Variants in RIT2 observed in about 807,000 individuals in gnomAD.
The protein encoded by RIT2 is Ras like without CAAX 2.
RIT2 carries 24 observed loss-of-function variants against 23.7 expected under a neutral mutation model. That is an observed-to-expected ratio of 1.01 (90% CI 0.73 to 1.43). The LOEUF (loss-of-function observed/expected upper bound fraction) is 1.43. Among genes scored for constraint, RIT2 ranks in the 40% most tolerant of loss-of-function variants. The pLI is 0.00. For missense variants in RIT2, 236 were observed against 266.9 expected, an observed-to-expected ratio of 0.88 and a Z score of 0.81; for synonymous variants, 107 against 91.1, an observed-to-expected ratio of 1.17 and a Z score of -0.99.
At chr18:43,047,487 A>G (rs1005207525) in intron 1 of RIT2, among the ~76,000 whole-genome samples, 4 of 152,156 alleles carry the variant, frequency 2.6e-5, no homozygotes, top group Non-Finnish European at 5.9e-5. Context: ...GTGACTAAAA[A>G]CCAAAACAAC....
intron 3 of RIT2, among the ~76,000 whole-genome samples, chr18:42,931,965 G>T (rs186432209): frequency 6.6e-6 from 1 of 152,052 alleles, no homozygotes; most frequent in Admixed American, 6.6e-5. Context: ...CTCTGAAAAA[G>T]CTTCACCATC....
At chr18:42,943,561 T>G (rs1212251207) in intron 3 of RIT2, among the ~76,000 whole-genome samples, 1 of 152,184 alleles carries the variant, frequency 6.6e-6, no homozygotes, top group Non-Finnish European at 1.5e-5. Context: ...ATAATTCTTT[T>G]ACATGTTTTT....
intron 3 of RIT2, among the ~76,000 whole-genome samples, chr18:42,933,431 C>CA (rs1453312375): frequency 3.3e-5 from 5 of 152,080 alleles, no homozygotes; most frequent in Non-Finnish European, 5.9e-5. Flanking sequence ...GTGTCCTGGA[C>CA]AAAATCTCAT....
At chr18:43,086,175 T>C (rs1913278459) in intron 1 of RIT2, among the ~76,000 whole-genome samples, 3 of 152,144 alleles carry the variant, frequency 2.0e-5, no homozygotes, top group Admixed American at 1.3e-4. Flanking sequence ...ACCCAAAATA[T>C]GTTATGCTTT....
chr18:42,863,216 C>G (rs1907376801), intron 4 of RIT2, among the ~76,000 whole-genome samples: 2 of 152,088 alleles, frequency 1.3e-5, no homozygotes, highest in African/African-American at 4.8e-5. Context: ...AATTATCCAT[C>G]CTTACTGAAA....
chr18:42,943,408 C>A (rs1909652172), intron 3 of RIT2, among the ~76,000 whole-genome samples: 1 of 151,998 alleles, frequency 6.6e-6, no homozygotes, highest in Non-Finnish European at 1.5e-5. Flanking sequence ...CTCCAAGTCC[C>A]CACTCGACCC....
intron 4 of RIT2, among the ~76,000 whole-genome samples, chr18:42,898,263 G>A (rs1354625834): frequency 1.3e-5 from 2 of 152,072 alleles, no homozygotes; most frequent in Non-Finnish European, 2.9e-5. Context: ...GCGTGGTGGC[G>A]GGTGCCTGTA....
intron 1 of RIT2, among the ~76,000 whole-genome samples, chr18:43,101,616 T>C (rs1244528166): frequency 6.6e-6 from 1 of 152,188 alleles, no homozygotes; most frequent in African/African-American, 2.4e-5. Context: ...TGCATGCCTG[T>C]CCCTCTTCAA....
At chr18:42,955,419 G>A (rs923340563) in intron 3 of RIT2, among the ~76,000 whole-genome samples, 14 of 152,204 alleles carry the variant, frequency 9.2e-5, no homozygotes, top group African/African-American at 3.4e-4. Context: ...GTTTGATTAT[G>A]AACTGGCCTC....
At chr18:43,107,377 A>G (rs140346642) in intron 1 of RIT2, among the ~76,000 whole-genome samples, 1,749 of 152,120 alleles carry the variant, frequency 0.011, 37 homozygotes, top group African/African-American at 0.039. Context: ...GGCTGTGTCT[A>G]ATTCTTGGTC....
chr18:42,973,816 A>C (rs998622401), intron 3 of RIT2, among the ~76,000 whole-genome samples: 7 of 151,978 alleles, frequency 4.6e-5, no homozygotes, highest in Non-Finnish European at 7.4e-5. Context: ...GAGGAAAAAA[A>C]ATAAAGTATT....
At chr18:42,842,332 G>GTT (rs533644695) in intron 4 of RIT2, among the ~76,000 whole-genome samples, 7 of 152,098 alleles carry the variant, frequency 4.6e-5, no homozygotes, top group Non-Finnish European at 1.0e-4. Flanking sequence ...ATTATCCAAT[G>GTT]TCTGTCATTT....
chr18:42,994,740 C>T (rs903624409), intron 2 of RIT2, among the ~76,000 whole-genome samples: 21 of 152,164 alleles, frequency 1.4e-4, no homozygotes, highest in South Asian at 2.1e-4. Flanking sequence ...CTCCACGCAG[C>T]GGCTGCTGCT....
chr18:43,100,729 C>G (rs4447507), intron 1 of RIT2, among the ~76,000 whole-genome samples: 26,459 of 151,936 alleles, frequency 0.17, 2,489 homozygotes, highest in African/African-American at 0.2. Context: ...AAGCATCAGG[C>G]CAATGTTTTG....
intron 1 of RIT2, among the ~76,000 whole-genome samples, chr18:43,094,788 C>G (rs1361468586): frequency 6.6e-6 from 1 of 152,040 alleles, no homozygotes; most frequent in Non-Finnish European, 1.5e-5. Context: ...TCAATTCCCA[C>G]CTATGAGTGA....
intron 4 of RIT2, among the ~76,000 whole-genome samples, chr18:42,918,114 G>A (rs111328905): frequency 2.4e-4 from 37 of 152,236 alleles, no homozygotes; most frequent in African/African-American, 8.4e-4. Context: ...CTCCTCCACT[G>A]TAACTTCACA....
chr18:43,113,377 T>A (rs939743097), intron 1 of RIT2, among the ~76,000 whole-genome samples: 8 of 152,210 alleles, frequency 5.3e-5, no homozygotes, highest in African/African-American at 1.9e-4. Context: ...ATACTCCTTA[T>A]CCTTATCTTT....
At chr18:42,972,890 C>G (rs1253905234) in intron 3 of RIT2, among the ~76,000 whole-genome samples, 2 of 151,738 alleles carry the variant, frequency 1.3e-5, no homozygotes, top group Admixed American at 6.6e-5. Flanking sequence ...AACTATACAG[C>G]CTTTTAATTG....
intron 1 of RIT2, among the ~76,000 whole-genome samples, chr18:43,046,844 A>T (rs772646076): frequency 1.3e-5 from 2 of 152,168 alleles, no homozygotes; most frequent in African/African-American, 2.4e-5. Context: ...GCATCCATGG[A>T]TAATTTAAAA....
Sources: gnomAD v4.1 joint callset for allele counts (sites outside exome capture counted in the v4.1 genomes callset) on GRCh38, gnomAD v4.1.1 for gene constraint, MANE v1.5 for transcripts, NCBI Gene and HGNC (gene_info 2026-07-23, HGNC 2026-07-21) for gene names.